NRXN1: variants seen among roughly 807,000 people sequenced by gnomAD.
The protein encoded by NRXN1 is neurexin-1.
Under a neutral mutation model 150.9 loss-of-function variants are expected in NRXN1, and 39 were observed. The ratio of observed to expected loss-of-function variants is 0.26; its 90% CI spans 0.20 to 0.34. NRXN1 has a LOEUF of 0.34. Among genes scored for constraint, NRXN1 ranks in the 10% least tolerant of loss-of-function variants. The pLI, the probability that NRXN1 is intolerant of heterozygous loss-of-function variation, is 1.00. For synonymous variants in NRXN1, 924 were observed against 757.0 expected, an observed-to-expected ratio of 1.22 and a Z score of -3.62; for missense variants, 1,815 against 1,949.9, an observed-to-expected ratio of 0.93 and a Z score of 1.30.
intron 5 of NRXN1, chr2:50,898,732 G>T: frequency 3.3e-6 from 1 of 304,264 alleles, no homozygotes; most frequent in Admixed American, 4.5e-5. Context: ...CTTCAGAAAT[G>T]AATGCTTTGA....
At chr2:50,639,427 G>A (rs1190892226) in intron 5 of NRXN1, among the ~76,000 whole-genome samples, 1 of 151,622 alleles carries the variant, frequency 6.6e-6, no homozygotes, top group Non-Finnish European at 1.5e-5. Flanking sequence ...TACCATGTTG[G>A]CCAGGCTGGT....
At chr2:50,221,311 G>T (rs1476783642) in intron 18 of NRXN1, among the ~76,000 whole-genome samples, 1 of 151,898 alleles carries the variant, frequency 6.6e-6, no homozygotes, top group Non-Finnish European at 1.5e-5. Flanking sequence ...TGTCAAATGG[G>T]GCTGCCTGCT....
rs913699494 is a variant in NRXN1 at position 50,639,531 on chromosome 2, AT to A, written c.833-15917del. On this transcript the variant is annotated intron_variant, in intron 5 of 22. Transcript: ENST00000401669. ...CCACCATGCCCGGACACTTTTCTGC[AT>A]TTTTAATGCCATTTTGGATAGATTT... Among the ~76,000 whole-genome samples, 8 of 151,934 alleles carry A rather than the reference AT, an allele frequency of 5.3e-5. No individual in the cohort carries two copies. In the South Asian group the frequency reaches 1.5e-3, roughly 28 times the overall value.
chr2:50,764,569 G>GTT (rs1288612860), intron 5 of NRXN1, among the ~76,000 whole-genome samples: 2 of 151,886 alleles, frequency 1.3e-5, no homozygotes, highest in African/African-American at 4.8e-5. Context: ...TCCCCATGTG[G>GTT]TTATATGCTT....
At chr2:50,810,744 G>A (rs113718343) in intron 5 of NRXN1, among the ~76,000 whole-genome samples, 2 of 152,010 alleles carry the variant, frequency 1.3e-5, no homozygotes, top group East Asian at 3.9e-4. Context: ...CACTTTGGGA[G>A]GACTAGGCAG....
intron 5 of NRXN1, among the ~76,000 whole-genome samples, chr2:50,750,719 C>T (rs536657448): frequency 1.3e-5 from 2 of 152,104 alleles, no homozygotes; most frequent in Admixed American, 6.6e-5. Context: ...ATCATTTTAA[C>T]CACCACCGAA....
chr2:50,159,008 G>A (rs1393300656), intron 18 of NRXN1, among the ~76,000 whole-genome samples: 2 of 152,050 alleles, frequency 1.3e-5, no homozygotes, highest in Non-Finnish European at 2.9e-5. Context: ...CACTCAAGCA[G>A]AAAATGAACA....
chr2:49,966,721 C>T (rs1435137944), intron 21 of NRXN1: 1 of 151,934 alleles, frequency 6.6e-6, no homozygotes, highest in African/African-American at 2.4e-5. Context: ...AGATAAGCTC[C>T]AAAGAGTAAT....
At chr2:50,684,938 C>T (rs1452999720) in intron 5 of NRXN1, among the ~76,000 whole-genome samples, 1 of 152,114 alleles carries the variant, frequency 6.6e-6, no homozygotes, top group African/African-American at 2.4e-5. Flanking sequence ...GTGAACAGAA[C>T]ATGAACCAGA....
rs1687356074 is a variant in NRXN1 at position 50,661,903 on chromosome 2, T to C, written c.833-38288A>G. On this transcript the variant is annotated intron_variant, in intron 5 of 22. Transcript: ENST00000401669. ...CATGAAGTGCTTCCTGAAAGCTTCT[T>C]AGACTTGCAGAGGCTGGGAAGGGAA... Among the ~76,000 whole-genome samples, 3 of 152,182 alleles carry C rather than the reference T, an allele frequency of 2.0e-5. No individual in the cohort carries two copies. The South Asian group carries it at 6.2e-4, about 32-fold the overall frequency.
At chr2:50,191,886 T>C (rs377288717) in intron 18 of NRXN1, among the ~76,000 whole-genome samples, 85 of 152,230 alleles carry the variant, frequency 5.6e-4, no homozygotes, top group African/African-American at 1.9e-3. Flanking sequence ...AACAAATTTT[T>C]GTTTGTGTTT....
At chr2:50,005,248 G>A (rs1369297) in intron 21 of NRXN1, among the ~76,000 whole-genome samples, 127,294 of 152,108 alleles carry the variant, frequency 0.84, 53,343 homozygotes, top group Middle Eastern at 0.89. Context: ...GGTAGGAAGG[G>A]ACCAAAATGT....
At chr2:50,152,002 T>C (rs1375903537) in intron 18 of NRXN1, among the ~76,000 whole-genome samples, 4 of 151,784 alleles carry the variant, frequency 2.6e-5, no homozygotes, top group Non-Finnish European at 1.5e-5. Context: ...AATGTAAATA[T>C]AGTTCAATAT....
intron 17 of NRXN1, among the ~76,000 whole-genome samples, chr2:50,376,973 T>A (rs978422327): frequency 3.5e-5 from 5 of 142,510 alleles, no homozygotes; most frequent in East Asian, 2.2e-4. Flanking sequence ...TTTTTTTTTT[T>A]AAATGAGTAA....
At chr2:50,149,939 T>A (rs1030764298) in intron 18 of NRXN1, among the ~76,000 whole-genome samples, 4 of 151,720 alleles carry the variant, frequency 2.6e-5, no homozygotes, top group African/African-American at 9.7e-5. Flanking sequence ...CATATGCATA[T>A]CAGCTGAACT....
chr2:50,121,116 C>T (rs535717725), intron 18 of NRXN1, among the ~76,000 whole-genome samples: 46 of 152,268 alleles, frequency 3.0e-4, no homozygotes, highest in African/African-American at 9.9e-4. Flanking sequence ...CCTCTGCCTC[C>T]GGGTTCAAGC....
At chr2:50,447,553 T>TATAC (rs2086539246) in intron 17 of NRXN1, among the ~76,000 whole-genome samples, 1 of 144,192 alleles carries the variant, frequency 6.9e-6, no homozygotes, top group South Asian at 2.2e-4. Flanking sequence ...TTCATATATA[T>TATAC]ATACATATAT....
At chr2:50,474,835 C>T in intron 15 of NRXN1, among the ~76,000 whole-genome samples, 1 of 119,494 alleles carries the variant, frequency 8.4e-6, no homozygotes, top group Non-Finnish European at 1.7e-5. Flanking sequence ...GCCCGCCCCC[C>T]TACCAAAAAA....
At chr2:50,266,656 A>G (rs563307995) in intron 17 of NRXN1, among the ~76,000 whole-genome samples, 56 of 151,918 alleles carry the variant, frequency 3.7e-4, no homozygotes, top group Non-Finnish European at 7.5e-4. Flanking sequence ...GGAAGCAGCA[A>G]GTTAGTTGTC....
Sources: allele counts gnomAD v4.1 joint callset (sites outside exome capture counted in the v4.1 genomes callset), GRCh38; gene constraint gnomAD v4.1.1; transcripts MANE v1.5; gene names NCBI Gene and HGNC (gene_info 2026-07-23, HGNC 2026-07-21).